MYO9A: variants seen among roughly 807,000 people sequenced by gnomAD.
The protein encoded by MYO9A is unconventional myosin-IXa.
MYO9A carries 103 observed loss-of-function variants against 293.3 expected under a neutral mutation model. The observed-to-expected ratio is 0.35, with a 90% CI of 0.30 to 0.41. The LOEUF (loss-of-function observed/expected upper bound fraction) is 0.41, where lower values mean the gene tolerates loss of function less well. Ranked by LOEUF, MYO9A falls within the 10% of genes least tolerant of loss-of-function variation. The pLI, the probability that MYO9A is intolerant of heterozygous loss-of-function variation, is 1.00. For synonymous variants in MYO9A, 1,001 were observed against 1,035.7 expected (o/e 0.97, Z 0.64); for missense variants, 2,685 against 3,033.0 (o/e 0.89, Z 2.69).
chr15:72,023,816 T>A (rs2077580198), intron 4 of MYO9A, among the ~76,000 whole-genome samples: 1 of 152,180 alleles, frequency 6.6e-6, no homozygotes, highest in African/African-American at 2.4e-5. Flanking sequence ...CTCTCCAAAT[T>A]TGATGGAAAA....
chr15:72,004,914 T>C (rs944868227), intron 8 of MYO9A, among the ~76,000 whole-genome samples: 13 of 152,294 alleles, frequency 8.5e-5, no homozygotes, highest in African/African-American at 3.1e-4. Flanking sequence ...TAAATCACCA[T>C]GGGAAGGAGA....
chr15:71,849,961 T>TTATGAACCCA, intron 38 of MYO9A, 75 bp downstream of exon 38: 6 of 1,551,812 alleles, frequency 3.9e-6, no homozygotes, highest in Non-Finnish European at 5.3e-6. Flanking sequence ...ATTCACTATG[T>TTATGAACCCA]TTGATATCTG....
Position 71,847,826 on chromosome 15 carries a change from A to G in MYO9A, c.6837+1019T>C, listed in dbSNP as rs76463729. On this transcript the variant is annotated intron_variant, in intron 39 of 41. Transcript: ENST00000356056. The stretch of plus-strand genomic sequence containing the variant: ...TATCTTTACTGCCTGCAAAAAGCCC[A>G]TGCTTATGTTTGTTTTTACAGAAGA... Among the ~76,000 whole-genome samples the G allele has an allele frequency of 5.9e-3, 901 of 152,332 alleles. 7 individuals carry two copies. The highest frequency in any genetic ancestry group is 0.02 in the African/African-American group (837 of 41,586).
In MYO9A at chr15:72,027,852, A is replaced by G. The variant is rs879840611; in HGVS notation, c.936-59T>C. 6.7e-6 allele frequency: 8 copies of G among 1,201,630 alleles called. No homozygotes were observed. In the East Asian group the frequency reaches 1.9e-4, roughly 28 times the overall value. The allele number at this position is 1,201,630 out of a possible 1,614,324, so 74.4% of individuals were successfully genotyped here. A position where few individuals can be genotyped will look rare whatever the true frequency, so the allele number is the denominator to read the frequency against. On this transcript the variant is annotated intron_variant, in intron 3 of 41. Coordinates refer to ENST00000356056, the MANE Select transcript of MYO9A (RefSeq NM_006901.4). ...ATAAAGTTTAATATAAGGCAGAAAA[A>G]TATTTGGAGACAGTGTAAAAGTATA...
chr15:71,988,111 A>G (rs1329889989), intron 11 of MYO9A, among the ~76,000 whole-genome samples: 3 of 152,324 alleles, frequency 2.0e-5, no homozygotes, highest in African/African-American at 4.8e-5. Context: ...TTCAAAATCA[A>G]TTTAACCAAT....
At chr15:71,941,398 G>A (rs939299516) in intron 15 of MYO9A, among the ~76,000 whole-genome samples, 1 of 151,646 alleles carries the variant, frequency 6.6e-6, no homozygotes, top group South Asian at 2.1e-4. Flanking sequence ...TCGCGCCATT[G>A]CACTCCAGCC....
At chr15:71,904,549 A>G (rs926065130) in intron 20 of MYO9A, among the ~76,000 whole-genome samples, 4 of 152,240 alleles carry the variant, frequency 2.6e-5, no homozygotes, top group African/African-American at 9.6e-5. Flanking sequence ...GCTACTCAGG[A>G]GGCTGAGGCA....
intron 2 of MYO9A, chr15:72,041,677 T>C: frequency 4.8e-6 from 1 of 209,084 alleles, no homozygotes; most frequent in Non-Finnish European, 1.0e-5. Flanking sequence ...GATGGTAGTT[T>C]TTCCGTGGGA....
intron 15 of MYO9A, among the ~76,000 whole-genome samples, chr15:71,947,152 T>C (rs922060678): frequency 6.6e-6 from 1 of 152,014 alleles, no homozygotes; most frequent in African/African-American, 2.4e-5. Context: ...AATGGTGGCA[T>C]GCACCTGTAG....
intron 7 of MYO9A, among the ~76,000 whole-genome samples, chr15:72,009,839 G>C (rs969720427): frequency 1.3e-5 from 2 of 152,062 alleles, no homozygotes; most frequent in African/African-American, 4.8e-5. Flanking sequence ...TAAATAATTT[G>C]TTTCAAATAT....
At chr15:72,047,774 CTTTTTTT>C (rs11397735) in intron 1 of MYO9A, among the ~76,000 whole-genome samples, 6 of 74,390 alleles carry the variant, frequency 8.1e-5, no homozygotes, top group Admixed American at 2.4e-4. Context: ...CAGTTACTTC[CTTTTTTT>C]TTTTTTTTTT....
chr15:72,085,475 T>C (rs903793212), intron 1 of MYO9A, among the ~76,000 whole-genome samples: 8 of 152,192 alleles, frequency 5.3e-5, no homozygotes, highest in Admixed American at 5.2e-4. Flanking sequence ...TCATTCGGGT[T>C]GGTTACATTC....
chr15:72,062,154 T>C (rs903993316), intron 1 of MYO9A, among the ~76,000 whole-genome samples: 5 of 152,194 alleles, frequency 3.3e-5, no homozygotes, highest in Non-Finnish European at 7.3e-5. Context: ...TGTACCCTAA[T>C]GAAGAGACAG....
chr15:72,041,208 G>C, intron 2 of MYO9A: 1 of 1,379,744 alleles, frequency 7.2e-7, no homozygotes, highest in South Asian at 1.1e-5. Context: ...GGGTTTTATG[G>C]CTACAGCATA....
intron 13 of MYO9A, among the ~76,000 whole-genome samples, chr15:71,964,518 A>T (rs1017971679): frequency 6.6e-6 from 1 of 151,874 alleles, no homozygotes; most frequent in African/African-American, 2.4e-5. Flanking sequence ...GCGATGGCTC[A>T]CATCTGTAAT....
At chr15:71,967,133 C>G (rs1476805175) in intron 13 of MYO9A, among the ~76,000 whole-genome samples, 1 of 152,140 alleles carries the variant, frequency 6.6e-6, no homozygotes, top group Non-Finnish European at 1.5e-5. Context: ...AATTCAAAAT[C>G]CACTATTTTA....
intron 15 of MYO9A, among the ~76,000 whole-genome samples, chr15:71,944,676 T>C (rs1355466933): frequency 1.7e-5 from 2 of 117,980 alleles, no homozygotes; most frequent in East Asian, 5.1e-4. Context: ...GTAGATCTAC[T>C]TCTGTACTTT....
chr15:71,898,468 C>T lies in MYO9A; in HGVS notation c.4035G>A (p.Glu1345=), dbSNP rs760442169. The T allele has an allele frequency of 6.2e-7, 1 of 1,614,052 alleles. No individual in the cohort carries two copies. The highest frequency in any genetic ancestry group is 8.5e-7 in the Non-Finnish European group (1 of 1,180,034). ...AGTCTCCTTCATCTGAAATGACAGA[C>T]TCTAGTTTGCTCTTTTGGCTTTCCT... is the stretch of plus-strand genomic sequence containing the variant. ...SYEESQKSKL[E]SVISDEGDLQ... Residue 1345 remains glutamate, a synonymous_variant, in exon 25 of 42, where the codon GAG becomes GAA. Coordinates refer to ENST00000356056, the MANE Select transcript of MYO9A (RefSeq NM_006901.4).
chr15:71,884,706 T>G (rs1303027296), intron 27 of MYO9A, among the ~76,000 whole-genome samples: 1 of 152,136 alleles, frequency 6.6e-6, no homozygotes, highest in East Asian at 1.9e-4. Context: ...TCTAACCTCA[T>G]AGTTGGAGGT....
Sources: allele counts gnomAD v4.1 joint callset (sites outside exome capture counted in the v4.1 genomes callset), GRCh38; gene constraint gnomAD v4.1.1; transcripts MANE v1.5; gene names NCBI Gene and HGNC (gene_info 2026-07-23, HGNC 2026-07-21).